The following ASIC2 variants were observed in gnomAD, a reference collection of about 807,000 sequenced individuals.
ASIC2 encodes the protein acid sensing ion channel subunit 2, also known as acid-sensing ion channel 2.
In ASIC2, 25 loss-of-function variants were observed where a neutral mutation model predicts 57.3. The ratio of observed to expected loss-of-function variants is 0.44; its 90% CI spans 0.32 to 0.61. ASIC2 has a LOEUF of 0.61. ASIC2 is among the 20% of genes least tolerant of loss of function. The pLI, the probability that ASIC2 is intolerant of heterozygous loss-of-function variation, is 0.06. For missense variants in ASIC2, 641 were observed against 738.1 expected (o/e 0.87, Z 1.52); for synonymous variants, 319 against 307.5 (o/e 1.04, Z -0.39).
At chr17:33,755,701 G>A (rs750658001) in intron 1 of ASIC2, among the ~76,000 whole-genome samples, 6 of 152,202 alleles carry the variant, frequency 3.9e-5, no homozygotes, top group Non-Finnish European at 7.3e-5. Flanking sequence ...GGAGAACAGG[G>A]AGGCAGTCAT....
intron 2 of ASIC2, among the ~76,000 whole-genome samples, chr17:33,104,798 TC>T (rs1597579775): frequency 1.3e-5 from 2 of 152,164 alleles, no homozygotes; most frequent in South Asian, 4.1e-4. Context: ...GGAGGGAGCA[TC>T]CCTTTTGGGT....
Position 33,448,107 on chromosome 17 carries a change from A to C in ASIC2, c.556-336040T>G, listed in dbSNP as rs957332948. On this transcript the variant is annotated intron_variant, in intron 1 of 9. Transcript: ENST00000359872. Reference sequence around the variant, plus strand: ...TAAAATAAAATAAAATAAAACTAGAATCGGGAGTTAGGTTACTGTGGAGAA... The same window carrying C: ...TAAAATAAAATAAAATAAAACTAGACTCGGGAGTTAGGTTACTGTGGAGAA... Among the ~76,000 whole-genome samples, 6 of 144,258 alleles carry C rather than the reference A, an allele frequency of 4.2e-5. No individual in the cohort carries two copies. The East Asian group carries it at 1.2e-3, about 29-fold the overall frequency. 94.6% of individuals were successfully genotyped at this position (144,258 alleles called of 152,430 possible). A position where few individuals can be genotyped will look rare whatever the true frequency, so the allele number is the denominator to read the frequency against.
chr17:33,724,176 A>G (rs1288433457), intron 1 of ASIC2, among the ~76,000 whole-genome samples: 1 of 152,200 alleles, frequency 6.6e-6, no homozygotes, highest in Non-Finnish European at 1.5e-5. Context: ...GCCGGCTGCC[A>G]TATAAGACAT....
At chr17:33,950,163 A>G (rs1051900139) in intron 1 of ASIC2, among the ~76,000 whole-genome samples, 1 of 152,212 alleles carries the variant, frequency 6.6e-6, no homozygotes, top group Non-Finnish European at 1.5e-5. Flanking sequence ...ATTGTCTCTA[A>G]TCAGGCGCTT....
intron 1 of ASIC2, among the ~76,000 whole-genome samples, chr17:33,577,296 G>A (rs1052327281): frequency 6.6e-6 from 1 of 152,158 alleles, no homozygotes; most frequent in Non-Finnish European, 1.5e-5. Flanking sequence ...AGGTCTAAGT[G>A]CAGCCCTTAA....
At chr17:33,571,938 G>A (rs1438808377) in intron 1 of ASIC2, 3 of 152,258 alleles carry the variant, frequency 2.0e-5, no homozygotes, top group Non-Finnish European at 2.9e-5. Flanking sequence ...TCACTGAGGT[G>A]AAATTCCAGG....
intron 1 of ASIC2, among the ~76,000 whole-genome samples, chr17:33,953,176 G>A (rs569313034): frequency 2.6e-5 from 4 of 152,216 alleles, no homozygotes; most frequent in East Asian, 1.9e-4. Context: ...TTACCACTGA[G>A]ATGTGAGATT....
chr17:33,284,530 A>T (rs1172521982), intron 1 of ASIC2, among the ~76,000 whole-genome samples: 1 of 152,008 alleles, frequency 6.6e-6, no homozygotes, highest in African/African-American at 2.4e-5. Flanking sequence ...ACCCAGGATG[A>T]CTCTCCAAAG....
At chr17:33,316,514 C>T (rs1906657615) in intron 1 of ASIC2, among the ~76,000 whole-genome samples, 1 of 152,200 alleles carries the variant, frequency 6.6e-6, no homozygotes. Context: ...TCTTGAACTC[C>T]TGACCTCAAG....
chr17:33,917,295 C>G (rs181849514), intron 1 of ASIC2, among the ~76,000 whole-genome samples: 3 of 152,144 alleles, frequency 2.0e-5, no homozygotes, highest in Non-Finnish European at 4.4e-5. Flanking sequence ...TCAGGCCTCA[C>G]GTGCCTTAAA....
At chr17:33,274,619 C>T (rs1325646195) in intron 1 of ASIC2, among the ~76,000 whole-genome samples, 1 of 146,656 alleles carries the variant, frequency 6.8e-6, no homozygotes, top group Non-Finnish European at 1.5e-5. Flanking sequence ...TCAGTGACTC[C>T]AGCTAAAAAA....
At chr17:33,349,595 C>G (rs1567831418) in intron 1 of ASIC2, among the ~76,000 whole-genome samples, 1 of 152,208 alleles carries the variant, frequency 6.6e-6, no homozygotes, top group East Asian at 1.9e-4. Flanking sequence ...AAAGCCGAAT[C>G]TATCCCACTG....
At chr17:33,397,251 C>G (rs1194894727) in intron 1 of ASIC2, among the ~76,000 whole-genome samples, 1 of 152,212 alleles carries the variant, frequency 6.6e-6, no homozygotes, top group Non-Finnish European at 1.5e-5. Flanking sequence ...GAGACTATGC[C>G]TGTTGCCAAA....
intron 1 of ASIC2, among the ~76,000 whole-genome samples, chr17:33,982,766 G>A (rs991693697): frequency 2.6e-5 from 4 of 152,286 alleles, no homozygotes; most frequent in East Asian, 3.9e-4. Flanking sequence ...AGACATACTC[G>A]TGACAAAATA....
intron 1 of ASIC2, among the ~76,000 whole-genome samples, chr17:34,094,047 T>C (rs1403098024): frequency 6.6e-6 from 1 of 152,044 alleles, no homozygotes; most frequent in East Asian, 1.9e-4. Context: ...AAAGTGGATA[T>C]TGACAGGAGG....
intron 1 of ASIC2, among the ~76,000 whole-genome samples, chr17:33,238,797 A>G (rs1403966039): frequency 6.6e-6 from 1 of 152,158 alleles, no homozygotes; most frequent in Non-Finnish European, 1.5e-5. Context: ...TGAGATCAGG[A>G]GTTTGAGACT....
chr17:33,482,680 C>G (rs1490769679), intron 1 of ASIC2, among the ~76,000 whole-genome samples: 1 of 152,196 alleles, frequency 6.6e-6, no homozygotes, highest in Non-Finnish European at 1.5e-5. Context: ...GACACTGGGT[C>G]TAGGACTTGA....
intron 1 of ASIC2, among the ~76,000 whole-genome samples, chr17:33,724,337 TC>T (rs1157434989): frequency 1.3e-5 from 2 of 152,182 alleles, no homozygotes; most frequent in Non-Finnish European, 2.9e-5. Flanking sequence ...ATTTTAGATT[TC>T]TTTCTAAAAA....
At chr17:34,003,116 C>T (rs184475635) in intron 1 of ASIC2, 3 of 152,252 alleles carry the variant, frequency 2.0e-5, no homozygotes, top group East Asian at 1.9e-4. Flanking sequence ...ACAAAAAAAC[C>T]TCACAGTTGA....
Sources: gnomAD v4.1 joint callset for allele counts (sites outside exome capture counted in the v4.1 genomes callset) on GRCh38, gnomAD v4.1.1 for gene constraint, MANE v1.5 for transcripts, NCBI Gene and HGNC (gene_info 2026-07-23, HGNC 2026-07-21) for gene names.